ZNF827: variants seen among roughly 807,000 people sequenced by gnomAD.
ZNF827 encodes the protein zinc finger protein 827.
A neutral mutation model predicts 102.4 loss-of-function variants in ZNF827; 13 were observed. The ratio of observed to expected loss-of-function variants is 0.13; its 90% CI spans 0.08 to 0.20. The LOEUF is 0.20. Ranked by LOEUF, ZNF827 falls within the 10% of genes least tolerant of loss-of-function variation. The pLI is 1.00. For missense variants in ZNF827, 1,103 were observed against 1,344.4 expected (o/e 0.82, Z 2.81); for synonymous variants, 523 against 536.2 (o/e 0.98, Z 0.34).
chr4:145,774,739 G>T, intron 10 of ZNF827, 67 bp from the exon 11 acceptor site: 1 of 1,525,678 alleles, frequency 6.6e-7, no homozygotes. Context: ...AATGTAGGCT[G>T]TCCATTTATA....
intron 3 of ZNF827, among the ~76,000 whole-genome samples, chr4:145,887,598 C>A (rs1363691837): frequency 6.6e-6 from 1 of 152,176 alleles, no homozygotes; most frequent in African/African-American, 2.4e-5. Flanking sequence ...CATGGAAAGG[C>A]TTTCCCTCTG....
At chr4:145,779,892 G>A (rs1737711149) in intron 8 of ZNF827, among the ~76,000 whole-genome samples, 1 of 152,238 alleles carries the variant, frequency 6.6e-6, no homozygotes, top group African/African-American at 2.4e-5. Flanking sequence ...CCACAAGGCA[G>A]TAAATAAAGA....
chr4:145,846,760 C>T (rs1163372958), intron 6 of ZNF827, among the ~76,000 whole-genome samples: 65 of 137,364 alleles, frequency 4.7e-4, no homozygotes, highest in African/African-American at 1.7e-3. Context: ...GAGCTTGCAG[C>T]GAGCCGAGAT....
intron 11 of ZNF827, among the ~76,000 whole-genome samples, chr4:145,768,905 ATATATATAT>A (rs1363827004): frequency 0.017 from 594 of 34,484 alleles, 94 homozygotes; most frequent in African/African-American, 0.043. Flanking sequence ...ATATATATAT[ATATATATAT>A]ATTAGGTATA....
intron 1 of ZNF827, among the ~76,000 whole-genome samples, chr4:145,919,985 C>T (rs1356466945): frequency 6.6e-6 from 1 of 152,170 alleles, no homozygotes. Context: ...ACTAGGCCCA[C>T]CTGAAGTCTA....
chr4:145,791,308 A>G (rs578236914), intron 8 of ZNF827, among the ~76,000 whole-genome samples: 1 of 152,308 alleles, frequency 6.6e-6, no homozygotes, highest in Non-Finnish European at 1.5e-5. Flanking sequence ...TTATAGGGGC[A>G]CTAATCCTAG....
At chr4:145,856,662 A>G (rs1051909527) in intron 5 of ZNF827, among the ~76,000 whole-genome samples, 2 of 150,894 alleles carry the variant, frequency 1.3e-5, no homozygotes, top group Non-Finnish European at 2.9e-5. Context: ...AAAACCATAC[A>G]ATGACCTCCA....
intron 11 of ZNF827, among the ~76,000 whole-genome samples, chr4:145,771,235 T>C (rs962732861): frequency 6.6e-6 from 1 of 152,248 alleles, no homozygotes; most frequent in Non-Finnish European, 1.5e-5. Flanking sequence ...TTTTCTGTTA[T>C]TTTGCAAACT....
chr4:145,777,579 A>G (rs951432247), intron 9 of ZNF827, among the ~76,000 whole-genome samples: 31 of 152,162 alleles, frequency 2.0e-4, no homozygotes, highest in Admixed American at 1.1e-3. Context: ...TTAGAGCTTC[A>G]TTATTCTCCA....
At chr4:145,783,354 A>G (rs919523607) in intron 8 of ZNF827, among the ~76,000 whole-genome samples, 7 of 152,262 alleles carry the variant, frequency 4.6e-5, no homozygotes, top group Admixed American at 4.6e-4. Context: ...ATTAAGGCCT[A>G]TGGCCAATTC....
chr4:145,787,214 C>T (rs565258715), intron 8 of ZNF827, among the ~76,000 whole-genome samples: 18 of 152,148 alleles, frequency 1.2e-4, no homozygotes, highest in Admixed American at 5.9e-4. Flanking sequence ...CCTGTAATCC[C>T]GGCACTTTGG....
chr4:145,883,909 T>C (rs28626105), intron 4 of ZNF827, among the ~76,000 whole-genome samples: 39,075 of 152,000 alleles, frequency 0.26, 5,374 homozygotes, highest in Non-Finnish European at 0.3. Flanking sequence ...CCCCTGGAGG[T>C]GAAATCCTAA....
chr4:145,927,029 G>C (rs981898306), intron 1 of ZNF827, among the ~76,000 whole-genome samples: 1 of 152,032 alleles, frequency 6.6e-6, no homozygotes, highest in Admixed American at 6.6e-5. Flanking sequence ...GTTATTATTT[G>C]AAGTTTGCCT....
intron 7 of ZNF827, among the ~76,000 whole-genome samples, chr4:145,840,775 A>G (rs1358940699): frequency 6.6e-6 from 1 of 152,208 alleles, no homozygotes; most frequent in Non-Finnish European, 1.5e-5. Flanking sequence ...AATTTGTGCA[A>G]TTTCTATTAC....
chr4:145,907,187 A>T, intron 1 of ZNF827: 1 of 456,404 alleles, frequency 2.2e-6, no homozygotes, highest in Non-Finnish European at 4.4e-6. Context: ...AACAGCAAGG[A>T]TTTTCTCCCA....
chr4:145,841,392 A>G (rs1396694963), intron 7 of ZNF827, among the ~76,000 whole-genome samples: 2 of 152,204 alleles, frequency 1.3e-5, no homozygotes, highest in African/African-American at 2.4e-5. Context: ...ATGTATTTTC[A>G]TCTACCAAAT....
intron 8 of ZNF827, among the ~76,000 whole-genome samples, chr4:145,794,745 C>T (rs188882106): frequency 4.7e-4 from 72 of 152,144 alleles, no homozygotes; most frequent in African/African-American, 1.7e-3. Flanking sequence ...CAGTAAAGGC[C>T]GATGGAAAAG....
rs1302652089 is a variant in ZNF827 at position 145,761,367 on chromosome 4, G to C, written c.*249C>G. ...GGTCACAGTGGAAGGGCCGCTCCCCGGTGTGGACGCGCACGTGCTCGATGA... is the reference window on the plus strand; with the variant it reads ...GGTCACAGTGGAAGGGCCGCTCCCCCGTGTGGACGCGCACGTGCTCGATGA... On this transcript the variant is annotated 3_prime_UTR_variant, in exon 15 of 15. Coordinates refer to ENST00000508784, the MANE Select transcript of ZNF827 (RefSeq NM_001306215.2). The surrounding 1 kb of genome is among the most constrained non-coding windows in gnomAD (Gnocchi z 6.8). 7.8e-7 allele frequency: 1 copy of C among 1,289,948 alleles called. No individual in the cohort carries two copies. Among genetic ancestry groups the C allele is most frequent in the Non-Finnish European group, 1.0e-6 (1 of 988,904 alleles). 79.9% of individuals were successfully genotyped at this position (1,289,948 alleles called of 1,614,324 possible).
intron 7 of ZNF827, among the ~76,000 whole-genome samples, chr4:145,840,736 G>A (rs1236294903): frequency 1.3e-5 from 2 of 152,238 alleles, no homozygotes; most frequent in East Asian, 1.9e-4. Context: ...AAAATTGTGC[G>A]AATTGAGGCA....
Sources: gnomAD v4.1 joint callset for allele counts (sites outside exome capture counted in the v4.1 genomes callset) on GRCh38, gnomAD v4.1.1 for gene constraint, Gnocchi (gnomAD v3.1) non-coding constraint, MANE v1.5 for transcripts, NCBI Gene and HGNC (gene_info 2026-07-23, HGNC 2026-07-21) for gene names.